PCDH11Y: variants seen among roughly 807,000 people sequenced by gnomAD.
PCDH11Y encodes protocadherin-11 Y-linked.
For synonymous variants in PCDH11Y, 9 were observed against 83.6 expected, an observed-to-expected ratio of 0.11 and a Z score of 4.87; for missense variants, 12 against 224.8, an observed-to-expected ratio of 0.05 and a Z score of 6.05.
chrY:5,653,702 G>A (rs2053533821), intron 4 of PCDH11Y, among the ~76,000 whole-genome samples: 1 of 33,005 alleles, frequency 3.0e-5, no homozygotes, highest in Non-Finnish European at 7.5e-5. Context: ...GGATATTATC[G>A]AGGAGAACTT....
intron 2 of PCDH11Y, among the ~76,000 whole-genome samples, chrY:5,355,457 C>G (rs2053164893): frequency 3.2e-5 from 1 of 31,252 alleles, no homozygotes; most frequent in South Asian, 7.1e-4. Context: ...GTTTGATATA[C>G]TCGACATTCT....
chrY:5,236,909 G>A, intron 2 of PCDH11Y, among the ~76,000 whole-genome samples: 3 of 31,675 alleles, frequency 9.5e-5, no homozygotes, highest in Non-Finnish European at 1.5e-4. Flanking sequence ...TATCCCATAT[G>A]TAAAATTATT....
intron 4 of PCDH11Y, among the ~76,000 whole-genome samples, chrY:5,658,959 GAGA>G (rs2053538935): frequency 3.0e-5 from 1 of 33,339 alleles, no homozygotes; most frequent in East Asian, 7.9e-4. Flanking sequence ...TGTCCTTTTT[GAGA>G]AGGTTTTCCA....
At chrY:5,509,262 T>A in intron 3 of PCDH11Y, among the ~76,000 whole-genome samples, 4 of 32,930 alleles carry the variant, frequency 1.2e-4, no homozygotes, top group African/African-American at 4.8e-4. Context: ...TTTATTTTTT[T>A]AAAAAGGTTC....
At chrY:5,495,825 T>C in intron 2 of PCDH11Y, among the ~76,000 whole-genome samples, 1 of 33,552 alleles carries the variant, frequency 3.0e-5, no homozygotes, top group Non-Finnish European at 7.4e-5. Context: ...TGTAAAAATA[T>C]TTACCTGATA....
intron 1 of PCDH11Y, among the ~76,000 whole-genome samples, chrY:5,008,905 C>T (rs2052543361): frequency 3.1e-5 from 1 of 32,322 alleles, no homozygotes; most frequent in African/African-American, 1.2e-4. Flanking sequence ...AACAAATATT[C>T]GTTGTCACTC....
chrY:5,312,797 G>T (rs2053103170), intron 2 of PCDH11Y, among the ~76,000 whole-genome samples: 1 of 30,215 alleles, frequency 3.3e-5, no homozygotes, highest in Admixed American at 3.3e-4. Context: ...AAAATGAAGA[G>T]ATTATATAGA....
chrY:5,653,487 C>T (rs371472938), intron 4 of PCDH11Y, among the ~76,000 whole-genome samples: 1 of 32,448 alleles, frequency 3.1e-5, no homozygotes, highest in Non-Finnish European at 7.5e-5. Flanking sequence ...GTAGCCAATT[C>T]GATCAAGTGG....
chrY:5,115,701 T>G, intron 2 of PCDH11Y, among the ~76,000 whole-genome samples: 1 of 30,463 alleles, frequency 3.3e-5, no homozygotes, highest in Non-Finnish European at 7.8e-5. Context: ...ACCTGCTTCC[T>G]GGAAATAGAA....
chrY:5,029,132 A>G (rs2052584706), intron 1 of PCDH11Y, among the ~76,000 whole-genome samples: 1 of 33,499 alleles, frequency 3.0e-5, no homozygotes, highest in East Asian at 7.8e-4. Context: ...ACATAGCTGT[A>G]GCCCCTAAGT....
chrY:5,030,327 C>A (rs2052587722), intron 1 of PCDH11Y, among the ~76,000 whole-genome samples: 1 of 33,489 alleles, frequency 3.0e-5, no homozygotes, highest in South Asian at 6.5e-4. Flanking sequence ...TCTCTTTAAG[C>A]ATATCTTATT....
At chrY:5,347,643 A>G in intron 2 of PCDH11Y, among the ~76,000 whole-genome samples, 3 of 32,714 alleles carry the variant, frequency 9.2e-5, no homozygotes, top group African/African-American at 3.6e-4. Context: ...TCCTGTCCCA[A>G]TCCTCACCCA....
At chrY:5,372,905 CCTTCCTTCCT>C (rs1216815812) in intron 2 of PCDH11Y, among the ~76,000 whole-genome samples, 41 of 5,989 alleles carry the variant, frequency 6.8e-3, no homozygotes, top group African/African-American at 7.8e-3. Context: ...TTCCTTCCTT[CCTTCCTTCCT>C]TCCCTCCCTC....
intron 1 of PCDH11Y, among the ~76,000 whole-genome samples, chrY:5,070,348 C>G: frequency 6.3e-5 from 2 of 31,998 alleles, no homozygotes; most frequent in African/African-American, 2.4e-4. Context: ...TATGACATTA[C>G]TTATGAAAAG....
At chrY:5,710,169 A>G (rs2124712940) in intron 4 of PCDH11Y, among the ~76,000 whole-genome samples, 2 of 33,435 alleles carry the variant, frequency 6.0e-5, no homozygotes, top group African/African-American at 1.2e-4. Context: ...GGTTCCCCCA[A>G]TGAGGTTTCC....
chrY:5,415,960 G>GA (rs2053252706), intron 2 of PCDH11Y, among the ~76,000 whole-genome samples: 1 of 27,203 alleles, frequency 3.7e-5, no homozygotes, highest in African/African-American at 1.4e-4. Flanking sequence ...TTTTTGTTTT[G>GA]TTTTTTTTTT....
At chrY:5,123,067 T>C (rs371113561) in intron 2 of PCDH11Y, among the ~76,000 whole-genome samples, 15 of 32,818 alleles carry the variant, frequency 4.6e-4, no homozygotes, top group South Asian at 1.5e-3. Flanking sequence ...AAAACTGTTC[T>C]TGTGTGTCTA....
At chrY:5,453,436 G>T (rs2053294979) in intron 2 of PCDH11Y, among the ~76,000 whole-genome samples, 1 of 33,811 alleles carries the variant, frequency 3.0e-5, no homozygotes, top group East Asian at 7.8e-4. Flanking sequence ...AATCTTGGAA[G>T]AAAATCTAGG....
At chrY:5,588,412 C>A in intron 4 of PCDH11Y, among the ~76,000 whole-genome samples, 1 of 33,031 alleles carries the variant, frequency 3.0e-5, no homozygotes, top group African/African-American at 1.2e-4. Context: ...TGTGTATTTA[C>A]TATTACCAGT....
Sources: gnomAD v4.1 joint callset for allele counts (sites outside exome capture counted in the v4.1 genomes callset) on GRCh38, gnomAD v4.1.1 for gene constraint, MANE v1.5 for transcripts, NCBI Gene and HGNC (gene_info 2026-07-23, HGNC 2026-07-21) for gene names.